NPAS2: variants seen among roughly 807,000 people sequenced by gnomAD.
NPAS2 encodes neuronal PAS domain-containing protein 2.
A neutral mutation model predicts 107.5 loss-of-function variants in NPAS2; 23 were observed. The observed-to-expected ratio is 0.21, with a 90% CI of 0.15 to 0.30. The LOEUF is 0.30. Among genes scored for constraint, NPAS2 ranks in the 10% least tolerant of loss-of-function variants. NPAS2 has a pLI of 1.00. For missense variants in NPAS2, 756 were observed against 1,043.3 expected (o/e 0.72, Z 3.79); for synonymous variants, 403 against 417.5 (o/e 0.97, Z 0.42).
chr2:100,829,706 G>A (rs530403632), intron 1 of NPAS2, among the ~76,000 whole-genome samples: 1 of 152,254 alleles, frequency 6.6e-6, no homozygotes, highest in East Asian at 1.9e-4. Flanking sequence ...GAATAGAAGT[G>A]GTGAGAGTGG....
chr2:100,924,901 C>T (rs1390597142), intron 2 of NPAS2, among the ~76,000 whole-genome samples: 1 of 152,174 alleles, frequency 6.6e-6, no homozygotes, highest in Non-Finnish European at 1.5e-5. Flanking sequence ...GCTAATCTGT[C>T]AGATTTTGCG....
chr2:100,988,265 A>G lies in NPAS2; in HGVS notation c.1816A>G (p.Ile606Val), dbSNP rs1209104371. ...GCACCTGCTCAGAGAATCAAGTGTGATATCAACCCAGGTAAATGTGCTCCT... is the reference window on the plus strand; with the variant it reads ...GCACCTGCTCAGAGAATCAAGTGTGGTATCAACCCAGGTAAATGTGCTCCT... ...SQHLLRESSV[I>V]STQGPKPMRS... is the part of the protein sequence containing the mutation. Residue 606 changes from isoleucine to valine, a missense_variant, in exon 17 of 21, where the codon ATA becomes GTA. Ile to Val is a conservative substitution (Grantham distance 29, BLOSUM62 3). Coordinates refer to ENST00000335681, the MANE Select transcript of NPAS2 (RefSeq NM_002518.4). 38 of 1,613,392 alleles carry G rather than the reference A, an allele frequency of 2.4e-5. No homozygotes were observed. Among genetic ancestry groups the G allele is most frequent in the Non-Finnish European group, 2.6e-5 (31 of 1,179,864 alleles).
intron 8 of NPAS2, 145 bp downstream of exon 8, chr2:100,964,321 C>T (rs763746552): frequency 2.9e-5 from 20 of 701,048 alleles, no homozygotes; most frequent in Non-Finnish European, 4.4e-5. Context: ...GGCTTCTGTG[C>T]CTGCACACAC....
At chr2:100,848,565 T>C (rs1335070363) in intron 1 of NPAS2, among the ~76,000 whole-genome samples, 1 of 152,188 alleles carries the variant, frequency 6.6e-6, no homozygotes, top group African/African-American at 2.4e-5. Flanking sequence ...GAGCACACAT[T>C]ATTTTTCTGA....
At chr2:100,875,718 C>G (rs1419149543) in intron 1 of NPAS2, among the ~76,000 whole-genome samples, 1 of 152,232 alleles carries the variant, frequency 6.6e-6, no homozygotes, top group African/African-American at 2.4e-5. Flanking sequence ...CTGGAATTTG[C>G]CAGCCTGCTT....
At chr2:100,989,225 G>C (rs1186634913) in intron 17 of NPAS2, 1 of 154,812 alleles carries the variant, frequency 6.5e-6, no homozygotes, top group Admixed American at 6.5e-5. Flanking sequence ...GGTAAAGTCA[G>C]CTGAGCTCCT....
chr2:100,949,327 C>CA (rs1558901543), intron 6 of NPAS2, 40 bp from the exon 7 acceptor site: 1 of 1,178,206 alleles, frequency 8.5e-7, no homozygotes, highest in South Asian at 1.2e-5. Context: ...GTGCAATGCT[C>CA]ACGACCCCTT....
chr2:100,878,712 C>G, intron 1 of NPAS2: 2 of 553,830 alleles, frequency 3.6e-6, no homozygotes, highest in Non-Finnish European at 4.6e-6. Context: ...TGATACCCAA[C>G]TATAAGGGAG....
chr2:100,842,442 G>T, intron 1 of NPAS2, among the ~76,000 whole-genome samples: 1 of 152,050 alleles, frequency 6.6e-6, no homozygotes, highest in East Asian at 1.9e-4. Flanking sequence ...AGTTTCCTTC[G>T]ACTGTCATCA....
chr2:100,820,390 C>T lies in NPAS2; in HGVS notation c.-47C>T, dbSNP rs1427566188. 3 of 149,576 alleles carry T rather than the reference C, an allele frequency of 2.0e-5. No homozygotes were observed. The highest frequency in any genetic ancestry group is 4.1e-4 in the East Asian group (2 of 4,876). 9.3% of individuals were successfully genotyped at this position (149,576 alleles called of 1,614,324 possible). ...CCGGCCCAGTCCGCGCCCGGCCCCGCGGGGCCGCTCCGGCCCGCTCCGAGG... is the reference window on the plus strand; with the variant it reads ...CCGGCCCAGTCCGCGCCCGGCCCCGTGGGGCCGCTCCGGCCCGCTCCGAGG... On this transcript the variant is annotated 5_prime_UTR_variant, in exon 1 of 21. Transcript: ENST00000335681. The surrounding 1 kb of genome is among the most constrained non-coding windows in gnomAD (Gnocchi z 5.6).
intron 1 of NPAS2, among the ~76,000 whole-genome samples, chr2:100,832,409 C>T (rs1033926372): frequency 2.0e-5 from 3 of 152,200 alleles, no homozygotes; most frequent in Non-Finnish European, 4.4e-5. Context: ...GTTGGCTCCT[C>T]CTCAGCCAAG....
chr2:100,959,095 AAAAAAAAAAAAAAAC>A (rs1310282582), intron 7 of NPAS2, among the ~76,000 whole-genome samples: 2 of 103,562 alleles, frequency 1.9e-5, no homozygotes, highest in East Asian at 2.1e-4. Context: ...TCTTCAAAAA[AAAAAAAAAAAAAAAC>A]AAAACTAAAA....
chr2:100,819,791 AC>A (rs35075064), upstream of NPAS2, among the ~76,000 whole-genome samples: 667 of 145,068 alleles, frequency 4.6e-3, 26 homozygotes, highest in East Asian at 0.093. The surrounding 1 kb of genome is among the most constrained non-coding windows in gnomAD (Gnocchi z 5.8). Context: ...TGGAAGCACA[AC>A]CCCCCCCTCC....
intron 1 of NPAS2, among the ~76,000 whole-genome samples, chr2:100,841,066 C>T (rs183505028): frequency 1.7e-4 from 26 of 152,210 alleles, no homozygotes; most frequent in Admixed American, 1.6e-3. Flanking sequence ...TGAGGATTCA[C>T]GGAGACAACA....
chr2:100,953,430 C>T (rs564549589), intron 7 of NPAS2, among the ~76,000 whole-genome samples: 6 of 150,918 alleles, frequency 4.0e-5, no homozygotes, highest in South Asian at 2.1e-4. Flanking sequence ...ATTTAACCAC[C>T]GTGACCTATG....
At position 100,897,869 on chromosome 2, in the gene NPAS2, A is replaced by G. The variant is rs891663336; in HGVS notation, c.-22-6864A>G. Among the ~76,000 whole-genome samples, 3 of 152,288 alleles carry G rather than the reference A, an allele frequency of 2.0e-5. No individual in the cohort carries two copies. In the South Asian group the frequency reaches 6.2e-4, roughly 32 times the overall value. ...TGGGTTCCCCCTTGCCCAGGCACTCAGGGAGTATCTGTTGAATCACTGTAT... is the reference window on the plus strand; with the variant it reads ...TGGGTTCCCCCTTGCCCAGGCACTCGGGGAGTATCTGTTGAATCACTGTAT... On this transcript the variant is annotated intron_variant, in intron 1 of 20. Coordinates refer to ENST00000335681, the MANE Select transcript of NPAS2 (RefSeq NM_002518.4).
In NPAS2 at chr2:100,895,557, G is replaced by A. The variant is rs563368297; in HGVS notation, c.-22-9176G>A. 4.8e-3 allele frequency among the ~76,000 whole-genome samples: 737 copies of A among 152,314 alleles called. 7 individuals carry two copies. The highest frequency in any genetic ancestry group is 0.017 in the African/African-American group (716 of 41,566). On this transcript the variant is annotated intron_variant, in intron 1 of 20. Coordinates refer to ENST00000335681, the MANE Select transcript of NPAS2 (RefSeq NM_002518.4). ...ACACCCAGTGTGCCCCAGTAGCTCTGCCTGCCAGCAGCAGGGGTGGCTGTC... is the reference window on the plus strand; with the variant it reads ...ACACCCAGTGTGCCCCAGTAGCTCTACCTGCCAGCAGCAGGGGTGGCTGTC...
intron 3 of NPAS2, 77 bp from the exon 4 acceptor site, chr2:100,932,833 G>A (rs950767391): frequency 1.6e-5 from 16 of 986,606 alleles, no homozygotes; most frequent in Non-Finnish European, 2.4e-5. Context: ...TTACATAGAA[G>A]TAACATGTGC....
At chr2:100,890,281 G>A (rs1171099978) in intron 1 of NPAS2, among the ~76,000 whole-genome samples, 1 of 152,190 alleles carries the variant, frequency 6.6e-6, no homozygotes, top group African/African-American at 2.4e-5. Context: ...GGTAGTGCGA[G>A]CTCTCAGCTG....
Sources: allele counts gnomAD v4.1 joint callset (sites outside exome capture counted in the v4.1 genomes callset), GRCh38; gene constraint gnomAD v4.1.1; non-coding constraint Gnocchi (gnomAD v3.1); transcripts MANE v1.5; gene names NCBI Gene and HGNC (gene_info 2026-07-23, HGNC 2026-07-21).